SNAP91: variants seen among roughly 807,000 people sequenced by gnomAD.
SNAP91 encodes synaptosome associated protein 91, also known as clathrin coat assembly protein AP180.
In SNAP91, 27 loss-of-function variants were observed where a neutral mutation model predicts 100.3. The observed-to-expected ratio is 0.27, with a 90% CI of 0.20 to 0.37. The LOEUF (loss-of-function observed/expected upper bound fraction) is 0.37. Ranked by LOEUF, SNAP91 falls within the 10% of genes least tolerant of loss-of-function variation. SNAP91 has a pLI of 1.00. For synonymous variants in SNAP91, 404 were observed against 398.6 expected (o/e 1.01, Z -0.16); for missense variants, 986 against 1,123.7 (o/e 0.88, Z 1.75).
chr6:83,645,188 T>G (rs1055898664), intron 7 of SNAP91, among the ~76,000 whole-genome samples: 7 of 152,128 alleles, frequency 4.6e-5, no homozygotes, highest in African/African-American at 1.7e-4. Flanking sequence ...TTTCCTTGTC[T>G]TCTGCAAATG....
Position 83,659,109 on chromosome 6 carries a change from A to T in SNAP91, c.453-17T>A, listed in dbSNP as rs1418154627. On this transcript the variant is annotated splice_polypyrimidine_tract_variant and intron_variant, in intron 5 of 29. Coordinates refer to ENST00000369694, the MANE Select transcript of SNAP91 (RefSeq NM_001242792.2). ...CCATCGGCCCTACAATTAAAAAAAA[A>T]AAAAAGGTACAATTTCATTGGATAT... 1 of 1,555,874 alleles carries T rather than the reference A, an allele frequency of 6.4e-7. No homozygotes were observed. Among genetic ancestry groups the T allele is most frequent in the East Asian group, 2.3e-5 (1 of 43,192 alleles).
chr6:83,606,942 G>A (rs2095653290), intron 13 of SNAP91, among the ~76,000 whole-genome samples: 1 of 152,098 alleles, frequency 6.6e-6, no homozygotes, highest in African/African-American at 2.4e-5. Context: ...ATAAAATGCA[G>A]AACTAAGCAA....
At chr6:83,590,066 T>C (rs1275628064) in intron 22 of SNAP91, among the ~76,000 whole-genome samples, 1 of 152,190 alleles carries the variant, frequency 6.6e-6, no homozygotes, top group African/African-American at 2.4e-5. Flanking sequence ...ACCCATGCTC[T>C]CGTCAGCCCC....
rs1817923774 is a variant in SNAP91 at position 83,575,895 on chromosome 6, A to G, written c.2330+128T>C. 6 of 618,732 alleles carry G rather than the reference A, an allele frequency of 9.7e-6. No individual in the cohort carries two copies. The East Asian group carries it at 1.4e-4, about 14-fold the overall frequency. 38.3% of individuals were successfully genotyped at this position (618,732 alleles called of 1,614,324 possible). On this transcript the variant is annotated intron_variant, in intron 25 of 29. Coordinates refer to ENST00000369694, the MANE Select transcript of SNAP91 (RefSeq NM_001242792.2). The stretch of plus-strand genomic sequence containing the variant: ...AAAATCTGGGATGAAATAAACACCA[A>G]TTGTGAAATTATCTGAAATTATCTA...
At chr6:83,574,264 A>G (rs2128067717) in intron 26 of SNAP91, among the ~76,000 whole-genome samples, 1 of 152,358 alleles carries the variant, frequency 6.6e-6, no homozygotes, top group African/African-American at 2.4e-5. Context: ...TGCATATAGA[A>G]AAATTATACA....
intron 12 of SNAP91, among the ~76,000 whole-genome samples, chr6:83,610,445 G>A (rs2128305251): frequency 6.6e-6 from 1 of 151,286 alleles, no homozygotes; most frequent in African/African-American, 2.4e-5. Context: ...GTTGCCAGGG[G>A]ATCGGGGAGA....
At chr6:83,707,724 A>T in intron 2 of SNAP91, 74 bp downstream of exon 2, 1 of 1,574,858 alleles carries the variant, frequency 6.3e-7, no homozygotes, top group East Asian at 2.3e-5. Flanking sequence ...ATGGACCAAG[A>T]GCGCAGGCCG....
At chr6:83,597,214 G>A (rs2094570447) in intron 16 of SNAP91, among the ~76,000 whole-genome samples, 1 of 152,124 alleles carries the variant, frequency 6.6e-6, no homozygotes, top group African/African-American at 2.4e-5. Flanking sequence ...AGCCCCGAAG[G>A]AGACATGAAT....
chr6:83,649,232 C>T (rs1281007596), intron 7 of SNAP91, among the ~76,000 whole-genome samples: 2 of 152,150 alleles, frequency 1.3e-5, no homozygotes, highest in African/African-American at 2.4e-5. Flanking sequence ...TGGCTCAGGA[C>T]CTCATGAAGT....
intron 8 of SNAP91, among the ~76,000 whole-genome samples, chr6:83,635,953 T>C (rs563913790): frequency 3.3e-5 from 5 of 152,342 alleles, no homozygotes; most frequent in East Asian, 3.9e-4. Context: ...GGTTATGAAA[T>C]TCTTAGTTGG....
chr6:83,664,548 G>A (rs1008296724), intron 3 of SNAP91, among the ~76,000 whole-genome samples: 1 of 152,124 alleles, frequency 6.6e-6, no homozygotes, highest in African/African-American at 2.4e-5. Flanking sequence ...AATTGGACAT[G>A]GAGCCTGAAG....
chr6:83,575,330 T>C, intron 25 of SNAP91: 1 of 552,744 alleles, frequency 1.8e-6, no homozygotes, highest in Non-Finnish European at 3.2e-6. Flanking sequence ...AAAAATCATT[T>C]AGAGTTTGGA....
At chr6:83,627,791 G>T (rs2097010018) in intron 8 of SNAP91, among the ~76,000 whole-genome samples, 2 of 151,786 alleles carry the variant, frequency 1.3e-5, no homozygotes, top group South Asian at 4.1e-4. Context: ...TCCTTTCGAA[G>T]AACCAATTTT....
At chr6:83,667,356 G>A (rs2098705441) in intron 2 of SNAP91, among the ~76,000 whole-genome samples, 1 of 152,040 alleles carries the variant, frequency 6.6e-6, no homozygotes, top group Non-Finnish European at 1.5e-5. Flanking sequence ...GTATCTTTAT[G>A]AGGCCAGATT....
chr6:83,624,441 G>T (rs1221024130), intron 8 of SNAP91, among the ~76,000 whole-genome samples: 1 of 152,094 alleles, frequency 6.6e-6, no homozygotes, highest in African/African-American at 2.4e-5. Context: ...TGATGGAAAT[G>T]TAGAAGTAAA....
At chr6:83,589,817 C>G (rs2093456503) in intron 22 of SNAP91, among the ~76,000 whole-genome samples, 1 of 152,180 alleles carries the variant, frequency 6.6e-6, no homozygotes, top group African/African-American at 2.4e-5. Flanking sequence ...ACTCTGAAGG[C>G]TGATGAGGGT....
At chr6:83,604,753 C>T (rs1199844412) in intron 14 of SNAP91, among the ~76,000 whole-genome samples, 1 of 152,036 alleles carries the variant, frequency 6.6e-6, no homozygotes, top group East Asian at 1.9e-4. Context: ...TTTTTATTAC[C>T]CTATAGGTCA....
Position 83,575,339 on chromosome 6 carries a change from G to A in SNAP91, c.2331-218C>T, listed in dbSNP as rs1196386997. On this transcript the variant is annotated intron_variant, in intron 25 of 29. Transcript: ENST00000369694. The stretch of plus-strand genomic sequence containing the variant: ...TTGAAAAAAAATCATTTAGAGTTTG[G>A]ACCTCAATAAGTATAGGAATTTCCT... 5 of 537,412 alleles carry A rather than the reference G, an allele frequency of 9.3e-6. No homozygotes were observed. The East Asian group carries it at 1.7e-4, about 18-fold the overall frequency. The allele number at this position is 537,412 out of a possible 1,614,324, so 33.3% of individuals were successfully genotyped here.
At chr6:83,659,215 T>C (rs933239117) in intron 5 of SNAP91, 123 bp from the exon 6 acceptor site, 28 of 711,186 alleles carry the variant, frequency 3.9e-5, no homozygotes, top group Non-Finnish European at 6.2e-5. Flanking sequence ...TGGGATCAAT[T>C]TGAGGTATTA....
Sources: allele counts gnomAD v4.1 joint callset (sites outside exome capture counted in the v4.1 genomes callset), GRCh38; gene constraint gnomAD v4.1.1; transcripts MANE v1.5; gene names NCBI Gene and HGNC (gene_info 2026-07-23, HGNC 2026-07-21).